The following YARS1 variants were observed in gnomAD, a reference collection of about 807,000 sequenced individuals.
YARS1 encodes tyrosyl-tRNA synthetase 1.
In YARS1, 36 loss-of-function variants were observed where a neutral mutation model predicts 62.2. The observed-to-expected ratio is 0.58, with a 90% CI of 0.44 to 0.76. YARS1 has a LOEUF of 0.76. Ranked by LOEUF, YARS1 falls within the 30% of genes least tolerant of loss-of-function variation. The pLI is 0.00. For missense variants in YARS1, 524 were observed against 639.8 expected, an observed-to-expected ratio of 0.82 and a Z score of 1.95; for synonymous variants, 234 against 244.9, an observed-to-expected ratio of 0.96 and a Z score of 0.42.
At position 32,775,750 on chromosome 1, in the gene YARS1, C is replaced by G; in HGVS notation, c.*231G>C. 1.7e-6 allele frequency: 1 copy of G among 587,090 alleles called. No homozygotes were observed. The highest frequency in any genetic ancestry group is 3.0e-6 in the Non-Finnish European group (1 of 327,968). 36.4% of individuals were successfully genotyped at this position (587,090 alleles called of 1,614,324 possible). A position where few individuals can be genotyped will look rare whatever the true frequency, so the allele number is the denominator to read the frequency against. ...CAAGGGAAGAAGGTAGGGCTGGACT[C>G]CCTGCTGTGGCCCAGCCCTTGTTAG... On this transcript the variant is annotated 3_prime_UTR_variant, in exon 13 of 13. Coordinates refer to ENST00000373477, the MANE Select transcript of YARS1 (RefSeq NM_003680.4).
At chr1:32,781,024 T>G in intron 10 of YARS1, 24 bp downstream of exon 10, 4 of 1,609,442 alleles carry the variant, frequency 2.5e-6, no homozygotes, top group Non-Finnish European at 3.4e-6. Flanking sequence ...TCTGCCTCTC[T>G]GAGATGTGGT....
Position 32,779,536 on chromosome 1 carries a change from A to C in YARS1, c.1335-13T>G, listed in dbSNP as rs777619138. 1.2e-6 allele frequency: 2 copies of C among 1,614,192 alleles called. No individual in the cohort carries two copies. Among genetic ancestry groups the C allele is most frequent in the South Asian group, 2.2e-5 (2 of 91,080 alleles). On this transcript the variant is annotated splice_polypyrimidine_tract_variant and intron_variant, in intron 11 of 12. Coordinates refer to ENST00000373477, the MANE Select transcript of YARS1 (RefSeq NM_003680.4). ...GTTTATCCCTTCTCTGGGAAGACAC[A>C]GGACAAGAGAAGAGTGAGGCTATGG...
At chr1:32,812,969 C>CAAAA (rs371599312) in intron 1 of YARS1, among the ~76,000 whole-genome samples, 2 of 90,016 alleles carry the variant, frequency 2.2e-5, no homozygotes, top group African/African-American at 8.0e-5. Context: ...ACTCTGTCTC[C>CAAAA]AAAAAAAAAA....
At position 32,813,196 on chromosome 1, in the gene YARS1, T is replaced by TA. The variant is rs201375620; in HGVS notation, c.58-2140dup. ...GTAACTTCTGTCTCCCCAAAATGTA[T>TA]AAAACGAAGCTGTAACCCAACCACC... On this transcript the variant is annotated intron_variant, in intron 1 of 12. Coordinates refer to ENST00000373477, the MANE Select transcript of YARS1 (RefSeq NM_003680.4). Among the ~76,000 whole-genome samples, 110 of 152,290 alleles carry TA rather than the reference T, an allele frequency of 7.2e-4. 1 individual carries two copies. In the East Asian group the frequency reaches 0.019, roughly 27 times the overall value.
chr1:32,808,756 C>T (rs1638518380), intron 3 of YARS1, among the ~76,000 whole-genome samples: 1 of 152,182 alleles, frequency 6.6e-6, no homozygotes, highest in African/African-American at 2.4e-5. Flanking sequence ...GAGGGCTTCC[C>T]TAACCAACTC....
intron 8 of YARS1, among the ~76,000 whole-genome samples, chr1:32,784,274 C>A (rs948946502): frequency 6.6e-6 from 1 of 151,996 alleles, no homozygotes; most frequent in African/African-American, 2.4e-5. Flanking sequence ...CTTGGCCTCC[C>A]AAAGTGCTGG....
At chr1:32,800,823 T>C (rs1468392540) in intron 4 of YARS1, among the ~76,000 whole-genome samples, 1 of 152,206 alleles carries the variant, frequency 6.6e-6, no homozygotes, top group African/African-American at 2.4e-5. Context: ...TCTGCCCGTT[T>C]TGGCCTCCCA....
chr1:32,782,336 C>CAAAA, intron 9 of YARS1, 68 bp downstream of exon 9: 1 of 1,612,854 alleles, frequency 6.2e-7, no homozygotes, highest in Middle Eastern at 1.8e-4. Context: ...TTAAGACAGG[C>CAAAA]ATTTTTCCAA....
chr1:32,797,931 C>T (rs750580188), intron 4 of YARS1, 88 bp from the exon 5 acceptor site: 107 of 1,176,458 alleles, frequency 9.1e-5, no homozygotes, highest in Admixed American at 5.2e-4. Context: ...AGTGCTGTGG[C>T]GTGATCTCGG....
intron 4 of YARS1, among the ~76,000 whole-genome samples, chr1:32,804,663 T>G (rs1247585397): frequency 7.1e-6 from 1 of 140,032 alleles, no homozygotes; most frequent in South Asian, 2.3e-4. Flanking sequence ...GCTCCCCACA[T>G]CTGAGACGAT....
chr1:32,793,710 G>A (rs1343291000), intron 5 of YARS1, among the ~76,000 whole-genome samples: 1 of 152,130 alleles, frequency 6.6e-6, no homozygotes, highest in African/African-American at 2.4e-5. Flanking sequence ...CTTAAAAGCA[G>A]AGAAAAGACA....
At position 32,786,534 on chromosome 1, in the gene YARS1, T is replaced by C; in HGVS notation, c.821-87A>G. 3 of 1,199,478 alleles carry C rather than the reference T, an allele frequency of 2.5e-6. No homozygotes were observed. The South Asian group carries it at 3.8e-5, about 15-fold the overall frequency. 74.3% of individuals were successfully genotyped at this position (1,199,478 alleles called of 1,614,324 possible). The stretch of plus-strand genomic sequence containing the variant: ...ACTATTCCTAGCCCACATGCATGAC[T>C]ATTTGTAGTTTTTGCCATATATTCT... On this transcript the variant is annotated intron_variant, in intron 7 of 12. Transcript: ENST00000373477.
chr1:32,815,128 A>C (rs1158208043), intron 1 of YARS1, among the ~76,000 whole-genome samples: 1 of 152,122 alleles, frequency 6.6e-6, no homozygotes, highest in African/African-American at 2.4e-5. Context: ...TTTGGCGGAT[A>C]ACTTGAGGTC....
chr1:32,779,554 G>A, intron 11 of YARS1, 31 bp from the exon 12 acceptor site: 4 of 1,614,136 alleles, frequency 2.5e-6, no homozygotes, highest in Non-Finnish European at 3.4e-6. Flanking sequence ...AGAAGAGTGA[G>A]GCTATGGATG....
Position 32,817,290 on chromosome 1 carries a change from C to T in YARS1, c.-46G>A. On this transcript the variant is annotated 5_prime_UTR_variant, in exon 1 of 13. Transcript: ENST00000373477. ...CCCCGCTCAGCCCGGCACCAGAGCC[C>T]CTTCCTGGGTCACCGTCGCCGCCGC... The T allele has an allele frequency of 6.2e-7, 1 of 1,610,794 alleles. No individual in the cohort carries two copies. Among genetic ancestry groups the T allele is most frequent in the Non-Finnish European group, 8.5e-7 (1 of 1,178,260 alleles).
At chr1:32,785,360 C>T (rs903777080) in intron 8 of YARS1, among the ~76,000 whole-genome samples, 11 of 151,570 alleles carry the variant, frequency 7.3e-5, no homozygotes, top group African/African-American at 2.4e-4. Context: ...ACTCAGGAGG[C>T]TGAGGCAGGA....
chr1:32,805,266 AGAGGG>A (rs1638433102), intron 4 of YARS1, among the ~76,000 whole-genome samples: 4 of 128,860 alleles, frequency 3.1e-5, no homozygotes, highest in Non-Finnish European at 4.8e-5. Flanking sequence ...GGAGAGGGGG[AGAGGG>A]AGAGAGGGAG....
At chr1:32,815,319 A>C (rs1638682512) in intron 1 of YARS1, among the ~76,000 whole-genome samples, 1 of 152,216 alleles carries the variant, frequency 6.6e-6, no homozygotes, top group South Asian at 2.1e-4. Context: ...ATTGCACTCC[A>C]GCCTGGCCGA....
chr1:32,803,359 T>C (rs1169743393), intron 4 of YARS1, among the ~76,000 whole-genome samples: 3 of 150,768 alleles, frequency 2.0e-5, no homozygotes, highest in Non-Finnish European at 4.4e-5. Context: ...CTCGAACTCC[T>C]GGCCTCAAGT....
Sources: gnomAD v4.1 joint callset for allele counts (sites outside exome capture counted in the v4.1 genomes callset) on GRCh38, gnomAD v4.1.1 for gene constraint, MANE v1.5 for transcripts, NCBI Gene and HGNC (gene_info 2026-07-23, HGNC 2026-07-21) for gene names.